CACNA2D3: variants seen among roughly 807,000 people sequenced by gnomAD.
CACNA2D3 encodes the protein voltage-dependent calcium channel subunit alpha-2/delta-3.
A neutral mutation model predicts 160.6 loss-of-function variants in CACNA2D3; 60 were observed. The ratio of observed to expected loss-of-function variants is 0.37; its 90% CI spans 0.30 to 0.46. The LOEUF (loss-of-function observed/expected upper bound fraction) is 0.46. Ranked by LOEUF, CACNA2D3 falls within the 20% of genes least tolerant of loss-of-function variation. The pLI, the probability that CACNA2D3 is intolerant of heterozygous loss-of-function variation, is 1.00. For synonymous variants in CACNA2D3, 558 were observed against 492.9 expected (o/e 1.13, Z -1.75); for missense variants, 1,205 against 1,365.0 (o/e 0.88, Z 1.85).
At chr3:55,051,826 C>G (rs886870276) in intron 35 of CACNA2D3, among the ~76,000 whole-genome samples, 2 of 152,056 alleles carry the variant, frequency 1.3e-5, no homozygotes, top group Non-Finnish European at 2.9e-5. Context: ...TTTTTAAGCC[C>G]GTCGGAAAAG....
At chr3:55,033,857 ATATT>A (rs1703753089) in intron 35 of CACNA2D3, among the ~76,000 whole-genome samples, 2 of 112,358 alleles carry the variant, frequency 1.8e-5, no homozygotes, top group Non-Finnish European at 3.6e-5. Context: ...CATATTAAAT[ATATT>A]TAATATATAA....
At chr3:54,818,082 C>G (rs1282645468) in intron 14 of CACNA2D3, among the ~76,000 whole-genome samples, 1 of 152,208 alleles carries the variant, frequency 6.6e-6, no homozygotes, top group Non-Finnish European at 1.5e-5. Context: ...AATGGACCAG[C>G]TTCCACTTAT....
At chr3:54,292,978 T>C (rs1703246412) in intron 2 of CACNA2D3, among the ~76,000 whole-genome samples, 1 of 152,134 alleles carries the variant, frequency 6.6e-6, no homozygotes, top group South Asian at 2.1e-4. Flanking sequence ...ATGCATACAA[T>C]GGAATTTTCA....
At chr3:54,203,888 G>A (rs982942335) in intron 2 of CACNA2D3, among the ~76,000 whole-genome samples, 3 of 151,898 alleles carry the variant, frequency 2.0e-5, no homozygotes, top group Admixed American at 6.5e-5. Flanking sequence ...GGGGTATGGC[G>A]GGCTAGGGTC....
intron 27 of CACNA2D3, among the ~76,000 whole-genome samples, chr3:54,900,561 G>A (rs1037275556): frequency 6.6e-6 from 1 of 152,156 alleles, no homozygotes; most frequent in Admixed American, 6.5e-5. Flanking sequence ...TAAAAACAAG[G>A]CCCGAGGGTG....
chr3:54,631,000 G>A (rs1699225712), intron 10 of CACNA2D3, among the ~76,000 whole-genome samples: 1 of 152,232 alleles, frequency 6.6e-6, no homozygotes, highest in Non-Finnish European at 1.5e-5. Flanking sequence ...TCCGGGGTTC[G>A]AGACCAGCCT....
rs188569343 is a variant in CACNA2D3 at position 54,451,722 on chromosome 3, A to C, written c.382-51770A>C. ...TTAACAATTCCATCCTCAGTTTATCACTTTCCTCTCACATATCACTATAAG... is the reference window on the plus strand; with the variant it reads ...TTAACAATTCCATCCTCAGTTTATCCCTTTCCTCTCACATATCACTATAAG... On this transcript the variant is annotated intron_variant, in intron 4 of 37. Transcript: ENST00000474759. Among the ~76,000 whole-genome samples, 13 of 152,264 alleles carry C rather than the reference A, an allele frequency of 8.5e-5. No individual in the cohort carries two copies. In the East Asian group the frequency reaches 2.5e-3, roughly 29 times the overall value.
intron 3 of CACNA2D3, among the ~76,000 whole-genome samples, chr3:54,357,700 G>A (rs927923573): frequency 6.6e-6 from 1 of 152,204 alleles, no homozygotes; most frequent in African/African-American, 2.4e-5. Flanking sequence ...ATAGGCAAAC[G>A]ATGGTACTGC....
chr3:54,891,325 C>T (rs371714286), intron 24 of CACNA2D3, 30 bp from the exon 25 acceptor site: 39 of 1,520,444 alleles, frequency 2.6e-5, no homozygotes, highest in Non-Finnish European at 3.4e-5. Flanking sequence ...GTCTAGAGGC[C>T]TCCCCCTGAC....
chr3:54,574,572 G>A (rs1479327566), intron 8 of CACNA2D3, among the ~76,000 whole-genome samples: 1 of 152,172 alleles, frequency 6.6e-6, no homozygotes, highest in African/African-American at 2.4e-5. Context: ...GAGTAATTTT[G>A]TGCAGTTGAA....
At chr3:54,263,687 C>T (rs1018221094) in intron 2 of CACNA2D3, among the ~76,000 whole-genome samples, 7 of 152,188 alleles carry the variant, frequency 4.6e-5, no homozygotes, top group African/African-American at 1.7e-4. Context: ...ATTGATACAG[C>T]AAACACATGT....
At chr3:55,045,793 T>C (rs1244382275) in intron 35 of CACNA2D3, among the ~76,000 whole-genome samples, 1 of 124,650 alleles carries the variant, frequency 8.0e-6, no homozygotes, top group African/African-American at 3.2e-5. Flanking sequence ...TTTTACTTTG[T>C]AATAGATAAA....
At chr3:54,637,186 A>T (rs1656047838) in intron 10 of CACNA2D3, among the ~76,000 whole-genome samples, 1 of 151,948 alleles carries the variant, frequency 6.6e-6, no homozygotes, top group East Asian at 1.9e-4. Flanking sequence ...GTAGCAGACG[A>T]GTGATAACAG....
Position 54,627,788 on chromosome 3 carries a change from A to C in CACNA2D3, c.965A>C (p.His322Pro), listed in dbSNP as rs980420575. 6.2e-7 allele frequency: 1 copy of C among 1,606,610 alleles called. No individual in the cohort carries two copies. The highest frequency in any genetic ancestry group is 2.2e-5 in the East Asian group (1 of 44,806). Residue 322 changes from histidine (H) to proline (P), a missense_variant and splice_region_variant, in exon 10 of 38, where the codon CAC becomes CCC. This residue lies in a region of CACNA2D3 where 911 missense variants were observed against 1,002.2 expected (regional missense o/e 0.91). Coordinates refer to ENST00000474759, the MANE Select transcript of CACNA2D3 (RefSeq NM_018398.3). Reference sequence around the variant, plus strand: ...GGATTTTCTGCTTTGCTGTTTCAGCACTTCAGGGAGCATCTGGACAAACTT... The same window carrying C: ...GGATTTTCTGCTTTGCTGTTTCAGCCCTTCAGGGAGCATCTGGACAAACTT... ...LVQADRTNKEHFREHLDKLFA... is the reference protein window; with the variant it reads ...LVQADRTNKEPFREHLDKLFA...
chr3:54,286,446 C>T (rs565232761), intron 2 of CACNA2D3, among the ~76,000 whole-genome samples: 55 of 152,312 alleles, frequency 3.6e-4, no homozygotes, highest in African/African-American at 1.1e-3. Context: ...ACCAAATCTA[C>T]GTCTGAATGG....
chr3:54,692,860 A>T (rs973896229), intron 11 of CACNA2D3, among the ~76,000 whole-genome samples: 6 of 152,240 alleles, frequency 3.9e-5, no homozygotes, highest in African/African-American at 1.4e-4. Context: ...CAAAAGTGGT[A>T]ATCTATCATC....
chr3:55,006,437 C>G (rs931674967), intron 32 of CACNA2D3, among the ~76,000 whole-genome samples: 5 of 152,172 alleles, frequency 3.3e-5, no homozygotes, highest in Admixed American at 2.6e-4. Context: ...TACAAAGACA[C>G]AACATCGTCC....
rs1553813854 is a variant in CACNA2D3, at chr3:54,735,996, T to TATATATATATGTATATATATATACATAC, written c.1168-16582_1168-16581insTACATACATATATATATGTATATATATA. Among the ~76,000 whole-genome samples, 28 of 70,244 alleles carry TATATATATATGTATATATATATACATAC rather than the reference T, an allele frequency of 4.0e-4. 4 individuals are homozygous for TATATATATATGTATATATATATACATAC. The highest frequency in any genetic ancestry group is 3.7e-3 in the South Asian group (9 of 2,440). 46.1% of individuals were successfully genotyped at this position (70,244 alleles called of 152,430 possible). On this transcript the variant is annotated intron_variant, in intron 11 of 37. Coordinates refer to ENST00000474759, the MANE Select transcript of CACNA2D3 (RefSeq NM_018398.3). Reference sequence around the variant, plus strand: ...TTCCATGCATGTATATATATATACATATATATATATGTATATATATACACA... The same window carrying TATATATATATGTATATATATATACATAC: ...TTCCATGCATGTATATATATATACATATATATATATGTATATATATATACATACATATATATATGTATATATATACACA...
At chr3:55,072,388 A>C (rs1196456505) in intron 35 of CACNA2D3, among the ~76,000 whole-genome samples, 1 of 152,180 alleles carries the variant, frequency 6.6e-6, no homozygotes, top group Non-Finnish European at 1.5e-5. Context: ...AAAAAGGGGG[A>C]GTCCCTTTCC....
Sources: allele counts gnomAD v4.1 joint callset (sites outside exome capture counted in the v4.1 genomes callset), GRCh38; gene constraint gnomAD v4.1.1; regional missense constraint gnomAD v4.1.1; transcripts MANE v1.5; gene names NCBI Gene and HGNC (gene_info 2026-07-23, HGNC 2026-07-21).